RELCH: variants seen among roughly 807,000 people sequenced by gnomAD.
RELCH encodes the protein RAB11 binding and LisH domain, coiled-coil and HEAT repeat containing.
A neutral mutation model predicts 150.3 loss-of-function variants in RELCH; 41 were observed. The ratio of observed to expected loss-of-function variants is 0.27; its 90% CI spans 0.21 to 0.35. The LOEUF (loss-of-function observed/expected upper bound fraction) is 0.35, where lower values mean the gene tolerates loss of function less well. RELCH is among the 10% of genes least tolerant of loss of function. The pLI, the probability that RELCH is intolerant of heterozygous loss-of-function variation, is 1.00. For missense variants in RELCH, 1,092 were observed against 1,467.8 expected (o/e 0.74, Z 4.18); for synonymous variants, 478 against 531.8 (o/e 0.90, Z 1.39).
At chr18:62,232,175 C>CTGTTGTTGTTGT (rs770631173) in intron 9 of RELCH, among the ~76,000 whole-genome samples, 157 bp from the exon 10 acceptor site, 8 of 150,818 alleles carry the variant, frequency 5.3e-5, no homozygotes, top group African/African-American at 1.2e-4. Flanking sequence ...GCTGCTGCTG[C>CTGTTGTTGTTGT]TGCTGTTGTT....
At chr18:62,271,627 A>C (rs915911750) in intron 20 of RELCH, among the ~76,000 whole-genome samples, 4 of 152,036 alleles carry the variant, frequency 2.6e-5, no homozygotes, top group African/African-American at 7.2e-5. Context: ...TTTTGTTGTC[A>C]CTGCTTTTGG....
At position 62,276,396 on chromosome 18, in the gene RELCH, CT is replaced by C. The variant is rs1407690173; in HGVS notation, c.2967+925del. On this transcript the variant is annotated intron_variant, in intron 22 of 28. Coordinates refer to ENST00000644646, the MANE Select transcript of RELCH (RefSeq NM_001346231.2). ...TAAACTAATTAATGCTTGTAAAGCCCTTAAAACAGTCTCTGGAACATAATAA... is the reference window on the plus strand; with the variant it reads ...TAAACTAATTAATGCTTGTAAAGCCCTAAAACAGTCTCTGGAACATAATAA... Among the ~76,000 whole-genome samples the C allele has an allele frequency of 3.3e-5, 5 of 152,134 alleles. No homozygotes were observed. In the South Asian group the frequency reaches 8.3e-4, roughly 25 times the overall value.
chr18:62,258,778 C>T, intron 15 of RELCH, 102 bp downstream of exon 15: 1 of 703,640 alleles, frequency 1.4e-6, no homozygotes, highest in South Asian at 2.1e-5. Context: ...GTGCCCTTAG[C>T]TTAACATACT....
At chr18:62,239,678 G>C (rs913174804) in intron 10 of RELCH, among the ~76,000 whole-genome samples, 1 of 152,036 alleles carries the variant, frequency 6.6e-6, no homozygotes, top group Admixed American at 6.6e-5. Context: ...TCTGTCCCCT[G>C]TAGGTGGGAC....
chr18:62,267,085 A>G (rs992260550), intron 19 of RELCH, among the ~76,000 whole-genome samples: 2 of 151,940 alleles, frequency 1.3e-5, no homozygotes, highest in African/African-American at 4.8e-5. Flanking sequence ...AGCTGCATCT[A>G]ATTCCTAATT....
chr18:62,189,117 T>TCTC (rs2038409052), intron 1 of RELCH, among the ~76,000 whole-genome samples: 1 of 152,310 alleles, frequency 6.6e-6, no homozygotes, highest in East Asian at 1.9e-4. Flanking sequence ...TATGGGATTT[T>TCTC]CTCAGTAGTT....
At chr18:62,216,977 G>T (rs1366544695) in intron 2 of RELCH, among the ~76,000 whole-genome samples, 1 of 151,892 alleles carries the variant, frequency 6.6e-6, no homozygotes, top group Non-Finnish European at 1.5e-5. Flanking sequence ...AAATAGGATA[G>T]GTGCTCCAAC....
At chr18:62,216,930 C>T (rs959876379) in intron 2 of RELCH, among the ~76,000 whole-genome samples, 1 of 151,866 alleles carries the variant, frequency 6.6e-6, no homozygotes, top group African/African-American at 2.4e-5. Context: ...TGATTTAAAC[C>T]ATATCTAAAT....
chr18:62,294,733 A>T (rs1290542659), intron 27 of RELCH, among the ~76,000 whole-genome samples: 1 of 152,180 alleles, frequency 6.6e-6, no homozygotes, highest in Non-Finnish European at 1.5e-5. Flanking sequence ...TACTTCTGAA[A>T]TTTTTTTAAA....
At chr18:62,275,328 G>T in intron 21 of RELCH, 46 bp from the exon 22 acceptor site, 1 of 960,558 alleles carries the variant, frequency 1.0e-6, no homozygotes. Flanking sequence ...ACTAGTAAGG[G>T]ACTGTGGCTC....
At position 62,252,987 on chromosome 18, in the gene RELCH, T is replaced by C. The variant is rs191251641; in HGVS notation, c.1824+233T>C. On this transcript the variant is annotated intron_variant, in intron 12 of 28. Transcript: ENST00000644646. ...CTAATTTCAGTGCCAGGTACTGAGGTAGTCACTAGGGATACAGTGGTGAAC... is the reference window on the plus strand; with the variant it reads ...CTAATTTCAGTGCCAGGTACTGAGGCAGTCACTAGGGATACAGTGGTGAAC... Among the ~76,000 whole-genome samples the C allele has an allele frequency of 1.2e-4, 18 of 152,262 alleles. No homozygotes were observed. The East Asian group carries it at 3.5e-3, about 29-fold the overall frequency.
rs1371127749 is a variant in RELCH, at chr18:62,261,531, T to G, written c.2223T>G (p.Asp741Glu). Residue 741 changes from aspartate (D) to glutamate (E), a missense_variant, in exon 16 of 29, where the codon GAT (aspartate) becomes GAG (glutamate). By Grantham distance (45) the Asp-to-Glu change is conservative (BLOSUM62 2). Coordinates refer to ENST00000644646, the MANE Select transcript of RELCH (RefSeq NM_001346231.2). ...KLLREGEHGL[D>E]EHKLHMYLSA... ...TTCAGGAAGGAGAACATGGACTGGA[T>G]GAACACAAACTCCACATGTATCTTT... 2 of 1,611,832 alleles carry G rather than the reference T, an allele frequency of 1.2e-6. No individual in the cohort carries two copies. Among genetic ancestry groups the G allele is most frequent in the East Asian group, 4.5e-5 (2 of 44,796 alleles).
intron 11 of RELCH, among the ~76,000 whole-genome samples, chr18:62,249,408 C>T (rs1484640292): frequency 6.6e-6 from 1 of 152,166 alleles, no homozygotes; most frequent in Non-Finnish European, 1.5e-5. Context: ...GCAGCCCTAA[C>T]ATGCAAGTCA....
In RELCH at chr18:62,303,880, G is replaced by A. The variant is rs530287743; in HGVS notation, c.3531-1534G>A. ...ATGTGATATCAAGAAGTGACTTTTA[G>A]AAGTTAATCTGGTAATTAAAGATGG... On this transcript the variant is annotated intron_variant, in intron 28 of 28. Transcript: ENST00000644646. 7.1e-4 allele frequency among the ~76,000 whole-genome samples: 108 copies of A among 152,336 alleles called. 2 individuals carry two copies. In the South Asian group the frequency reaches 0.022, roughly 31 times the overall value.
chr18:62,287,556 T>TAC, intron 26 of RELCH, 89 bp downstream of exon 26: 3 of 752,492 alleles, frequency 4.0e-6, no homozygotes, highest in Non-Finnish European at 4.6e-6. Context: ...GTAGAACTTC[T>TAC]TTTCTTCAAC....
At chr18:62,287,258 C>A in intron 25 of RELCH, 93 bp from the exon 26 acceptor site, 1 of 685,804 alleles carries the variant, frequency 1.5e-6, no homozygotes, top group South Asian at 1.7e-5. Flanking sequence ...AATGAAATTT[C>A]ATAAATTAAA....
intron 15 of RELCH, among the ~76,000 whole-genome samples, chr18:62,261,154 C>T (rs2043251307): frequency 1.3e-5 from 2 of 151,666 alleles, no homozygotes; most frequent in South Asian, 2.1e-4. Flanking sequence ...CATGGTACCC[C>T]GTAATATGTA....
Position 62,187,466 on chromosome 18 carries a change from G to A in RELCH, c.-40G>A, listed in dbSNP as rs2038188723. ...AGAGGATTCGGGCTGCGGCCCGTCG[G>A]AACCAGTCAGGGAGGCGCCCACACT... On this transcript the variant is annotated 5_prime_UTR_variant, in exon 1 of 29. Coordinates refer to ENST00000644646, the MANE Select transcript of RELCH (RefSeq NM_001346231.2). 6.7e-7 allele frequency: 1 copy of A among 1,490,910 alleles called. No homozygotes were observed. Among genetic ancestry groups the A allele is most frequent in the South Asian group, 1.4e-5 (1 of 69,068 alleles). The allele number at this position is 1,490,910 out of a possible 1,614,324, so 92.4% of individuals were successfully genotyped here. A position where few individuals can be genotyped will look rare whatever the true frequency, so the allele number is the denominator to read the frequency against.
At chr18:62,223,368 C>A (rs907923623) in intron 5 of RELCH, among the ~76,000 whole-genome samples, 6 of 151,940 alleles carry the variant, frequency 3.9e-5, no homozygotes. Context: ...TGTAAGAAGA[C>A]AACTGCCAAA....
Sources: allele counts gnomAD v4.1 joint callset (sites outside exome capture counted in the v4.1 genomes callset), GRCh38; gene constraint gnomAD v4.1.1; transcripts MANE v1.5; gene names NCBI Gene and HGNC (gene_info 2026-07-23, HGNC 2026-07-21).